NUP188: variants seen among roughly 807,000 people sequenced by gnomAD.
The protein encoded by NUP188 is nucleoporin 188.
A neutral mutation model predicts 223.0 loss-of-function variants in NUP188; 97 were observed. The observed-to-expected ratio is 0.43, with a 90% CI of 0.37 to 0.51. The LOEUF (loss-of-function observed/expected upper bound fraction) is 0.51, where lower values mean the gene tolerates loss of function less well. Ranked by LOEUF, NUP188 falls within the 20% of genes least tolerant of loss-of-function variation. The pLI is 0.00. For synonymous variants in NUP188, 869 were observed against 828.0 expected (o/e 1.05, Z -0.85); for missense variants, 1,947 against 2,175.6 (o/e 0.89, Z 2.09).
At chr9:128,954,116 C>G (rs1000103444) in intron 3 of NUP188, among the ~76,000 whole-genome samples, 1 of 152,108 alleles carries the variant, frequency 6.6e-6, no homozygotes, top group East Asian at 1.9e-4. Flanking sequence ...AGGCGTGAGC[C>G]GTCATACCCA....
At chr9:128,960,252 G>T (rs1841928977) in intron 8 of NUP188, among the ~76,000 whole-genome samples, 2 of 148,918 alleles carry the variant, frequency 1.3e-5, no homozygotes, top group Admixed American at 6.7e-5. Flanking sequence ...TGTTTTTTTT[G>T]TTTTTTGTTT....
chr9:128,954,139 C>T (rs10988164), intron 3 of NUP188, among the ~76,000 whole-genome samples: 4 of 151,616 alleles, frequency 2.6e-5, no homozygotes, highest in African/African-American at 9.7e-5. Flanking sequence ...CTATTGTTTT[C>T]TTTACTATCT....
chr9:128,982,454 T>G, intron 15 of NUP188, 95 bp from the exon 16 acceptor site: 3 of 1,133,854 alleles, frequency 2.6e-6, no homozygotes, highest in Non-Finnish European at 3.8e-6. Context: ...TGTGAGTTTG[T>G]GTATCTCTGT....
At chr9:128,968,300 G>C (rs1285491119) in intron 8 of NUP188, among the ~76,000 whole-genome samples, 1 of 152,118 alleles carries the variant, frequency 6.6e-6, no homozygotes, top group Non-Finnish European at 1.5e-5. Flanking sequence ...TACGGACCAG[G>C]TGCAGTGGCT....
chr9:128,985,094 G>GC lies in NUP188; in HGVS notation c.2076+84dup, dbSNP rs1842315605. Reference sequence around the variant, plus strand: ...AGATGACTCTGAAATAGTTTCCCTGGCCCCTGGTGCTGTAATCTTCTTGTC... The same window carrying GC: ...AGATGACTCTGAAATAGTTTCCCTGGCCCCCTGGTGCTGTAATCTTCTTGTC... On this transcript the variant is annotated intron_variant, in intron 20 of 43. Coordinates refer to ENST00000372577, the MANE Select transcript of NUP188 (RefSeq NM_015354.3). 5.3e-6 allele frequency: 5 copies of GC among 949,034 alleles called. No individual in the cohort carries two copies. In the East Asian group the frequency reaches 1.2e-4, roughly 23 times the overall value. The allele number at this position is 949,034 out of a possible 1,614,324, so 58.8% of individuals were successfully genotyped here. A position where few individuals can be genotyped will look rare whatever the true frequency, so the allele number is the denominator to read the frequency against.
intron 24 of NUP188, among the ~76,000 whole-genome samples, chr9:128,989,623 C>T (rs946013051): frequency 1.3e-5 from 2 of 151,720 alleles, no homozygotes; most frequent in East Asian, 1.9e-4. Context: ...CACTTGAGGT[C>T]GGGTTCAAGA....
chr9:129,002,757 C>T (rs1338249872), intron 36 of NUP188, 60 bp from the exon 37 acceptor site: 1 of 1,563,432 alleles, frequency 6.4e-7, no homozygotes, highest in Admixed American at 1.8e-5. Flanking sequence ...AGTTGCTGTA[C>T]TACAAGGAGG....
At chr9:128,955,242 G>T (rs148697043) in intron 3 of NUP188, among the ~76,000 whole-genome samples, 1 of 152,168 alleles carries the variant, frequency 6.6e-6, no homozygotes, top group African/African-American at 2.4e-5. Context: ...AGTTAAGGAG[G>T]CATTTGCCAA....
At chr9:129,002,037 G>C (rs1842680818) in intron 36 of NUP188, 61 bp downstream of exon 36, 1 of 1,359,984 alleles carries the variant, frequency 7.4e-7, no homozygotes, top group South Asian at 1.2e-5. Flanking sequence ...CAGTTGAAAA[G>C]TGTCCTCCCC....
At chr9:129,003,483 C>T in intron 38 of NUP188, 29 bp downstream of exon 38, 1 of 1,603,834 alleles carries the variant, frequency 6.2e-7, no homozygotes, top group Non-Finnish European at 8.5e-7. Context: ...GTCTTGGAGT[C>T]TGGGGTAATG....
intron 30 of NUP188, among the ~76,000 whole-genome samples, chr9:128,997,524 A>G (rs1368023488): frequency 1.3e-5 from 2 of 152,116 alleles, no homozygotes; most frequent in South Asian, 2.1e-4. Context: ...GGATCTCACT[A>G]TGTTGATCAG....
intron 25 of NUP188, among the ~76,000 whole-genome samples, chr9:128,990,439 G>A (rs1342470975): frequency 6.6e-6 from 1 of 152,004 alleles, no homozygotes; most frequent in Non-Finnish European, 1.5e-5. Context: ...TAGAAAAAAG[G>A]AGAAAAGGCT....
At chr9:128,954,800 T>C (rs1307790834) in intron 3 of NUP188, among the ~76,000 whole-genome samples, 1 of 152,042 alleles carries the variant, frequency 6.6e-6, no homozygotes, top group Non-Finnish European at 1.5e-5. Flanking sequence ...GTTTTCCTTA[T>C]TATTAGACTG....
At chr9:128,962,933 C>T (rs1252407101) in intron 8 of NUP188, among the ~76,000 whole-genome samples, 3 of 152,088 alleles carry the variant, frequency 2.0e-5, no homozygotes, top group Non-Finnish European at 4.4e-5. Context: ...GTAACTGTGA[C>T]TATACTTTTA....
At chr9:128,996,904 C>T (rs995453685) in intron 30 of NUP188, among the ~76,000 whole-genome samples, 27 of 152,142 alleles carry the variant, frequency 1.8e-4, no homozygotes, top group African/African-American at 5.5e-4. Context: ...ATTAGTGGAA[C>T]GCTTCCAGGC....
chr9:128,965,460 A>C (rs1317510927), intron 8 of NUP188, among the ~76,000 whole-genome samples: 2 of 152,052 alleles, frequency 1.3e-5, no homozygotes, highest in Non-Finnish European at 2.9e-5. Flanking sequence ...TATTAAAAAA[A>C]ATTTTTTTTT....
At chr9:128,958,137 T>A in intron 6 of NUP188, 83 bp downstream of exon 6, 1 of 1,077,092 alleles carries the variant, frequency 9.3e-7, no homozygotes, top group South Asian at 1.4e-5. Flanking sequence ...CATTGCTGGC[T>A]TTTGACTCTT....
intron 19 of NUP188, among the ~76,000 whole-genome samples, chr9:128,984,074 A>T (rs1375641855): frequency 6.7e-6 from 1 of 148,344 alleles, no homozygotes; most frequent in Admixed American, 6.7e-5. Context: ...TGCCCGCCTT[A>T]GCCTCTCAAA....
At position 128,999,222 on chromosome 9, in the gene NUP188, A is replaced by C; in HGVS notation, c.3566A>C (p.Glu1189Ala). The C allele has an allele frequency of 2.5e-6, 4 of 1,614,102 alleles. No homozygotes were observed. The South Asian group carries it at 4.4e-5, about 18-fold the overall frequency. Residue 1189 changes from glutamate (E) to alanine (A), a missense_variant, in exon 33 of 44, where the codon GAG becomes GCG. Glu to Ala is a moderately radical substitution (Grantham distance 107). This residue lies in a region of NUP188 where 905 missense variants were observed against 990.6 expected (regional missense o/e 0.91). Transcript: ENST00000372577. Reference sequence around the variant, plus strand: ...CTTGGACCCTTGACGGAGATCCTGGAGGGAGTGCTGCAGGCCGACCAGCAA... The same window carrying C: ...CTTGGACCCTTGACGGAGATCCTGGCGGGAGTGCTGCAGGCCGACCAGCAA... ...EILGPLTEIL[E>A]GVLQADQQLM...
Sources: allele counts gnomAD v4.1 joint callset (sites outside exome capture counted in the v4.1 genomes callset), GRCh38; gene constraint gnomAD v4.1.1; regional missense constraint gnomAD v4.1.1; transcripts MANE v1.5; gene names NCBI Gene and HGNC (gene_info 2026-07-23, HGNC 2026-07-21).